AATK: variants seen among roughly 807,000 people sequenced by gnomAD.
AATK encodes serine/threonine-protein kinase LMTK1.
Under a neutral mutation model 114.3 loss-of-function variants are expected in AATK, and 91 were observed. The ratio of observed to expected loss-of-function variants is 0.80; its 90% confidence interval spans 0.67 to 0.95. The LOEUF is 0.95. AATK is among the 40% of genes least tolerant of loss of function. The probability of loss-of-function intolerance (pLI) is 0.00; values close to 1 mark genes in which losing one functional copy is unlikely to be tolerated. For missense variants in AATK, 2,176 were observed against 1,965.2 expected (o/e 1.11, Z -2.03); for synonymous variants, 1,075 against 916.5 (o/e 1.17, Z -3.12).
chr17:81,159,241 G>A (rs1470549593), intron 1 of AATK, among the ~76,000 whole-genome samples: 2 of 152,198 alleles, frequency 1.3e-5, no homozygotes, highest in Admixed American at 6.5e-5. Context: ...TCACTCCAGC[G>A]TCCACGATAG....
chr17:81,149,727 C>T (rs539392892), intron 1 of AATK, among the ~76,000 whole-genome samples: 3 of 152,326 alleles, frequency 2.0e-5, no homozygotes, highest in African/African-American at 4.8e-5. Flanking sequence ...CCCCTGCTCA[C>T]GCCTGTCCGG....
chr17:81,143,525 T>C (rs867802058), intron 1 of AATK, among the ~76,000 whole-genome samples: 13 of 45,080 alleles, frequency 2.9e-4, no homozygotes, highest in Non-Finnish European at 5.6e-4. Flanking sequence ...CCCCCAGCCA[T>C]GCAGCCCCCA....
intron 1 of AATK, among the ~76,000 whole-genome samples, chr17:81,157,815 G>T (rs192412140): frequency 1.3e-5 from 2 of 152,318 alleles, no homozygotes; most frequent in South Asian, 2.1e-4. Context: ...TCCAGCTAAG[G>T]TCCCACAGCC....
rs1310981723 is a variant in AATK at position 81,121,752 on chromosome 17, C to T, written c.2184G>A (p.Leu728=). ...SPEPGYPGEP[L]LGLQAASAQE... is the part of the protein sequence containing the mutation. ...GGGCAGAGGCTGCCTGGAGCCCAAG[C>T]AGAGGCTCTCCAGGGTACCCCGGCT... Residue 728 remains leucine, a synonymous_variant, in exon 11 of 14, where the codon CTG becomes CTA. Transcript: ENST00000326724. The T allele has an allele frequency of 2.0e-6, 3 of 1,511,824 alleles. No individual in the cohort carries two copies. Among genetic ancestry groups the T allele is most frequent in the Admixed American group, 4.2e-5 (2 of 48,050 alleles). The allele number at this position is 1,511,824 out of a possible 1,614,324, so 93.7% of individuals were successfully genotyped here. A position where few individuals can be genotyped will look rare whatever the true frequency, so the allele number is the denominator to read the frequency against.
At chr17:81,137,096 AAAAAT>A (rs2061022115) in intron 1 of AATK, among the ~76,000 whole-genome samples, 1 of 152,180 alleles carries the variant, frequency 6.6e-6, no homozygotes, top group East Asian at 1.9e-4. Flanking sequence ...CATCTCTACT[AAAAAT>A]AAAAAAATTA....
At chr17:81,135,189 G>A (rs1174707944) in intron 1 of AATK, among the ~76,000 whole-genome samples, 1 of 152,192 alleles carries the variant, frequency 6.6e-6, no homozygotes, top group Non-Finnish European at 1.5e-5. Context: ...GAGGGGAACT[G>A]ACAGTACAGC....
At position 81,119,357 on chromosome 17, in the gene AATK, CCACA is replaced by C. The variant is rs1568216194; in HGVS notation, c.4084+19_4084+22del. On this transcript the variant is annotated intron_variant, in intron 13 of 13. Coordinates refer to ENST00000326724, the MANE Select transcript of AATK (RefSeq NM_001080395.3). ...GCCCTGCCTCCCGCGTGCCCTTCTG[CCACA>C]GCCCCGCCCAGGCCTCACCTCTCTT... is the stretch of plus-strand genomic sequence containing the variant. The C allele has an allele frequency of 1.3e-6, 2 of 1,553,412 alleles. No individual in the cohort carries two copies.
chr17:81,122,210 G>T lies in AATK; in HGVS notation c.1726C>A (p.Pro576Thr), dbSNP rs557961698. ...GSTAASLAMEPLLGHGPPVDV... is the reference protein window; with the variant it reads ...GSTAASLAMETLLGHGPPVDV... ...ACGGGTGGCCCGTGGCCCAGCAGCG[G>T]CTCCATGGCCAGCGAGGCGGCGGTG... Residue 576 changes from proline (P) to threonine (T), a missense_variant, in exon 11 of 14, where the codon CCG (proline) becomes ACG (threonine). Coordinates refer to ENST00000326724, the MANE Select transcript of AATK (RefSeq NM_001080395.3). 7 of 1,499,532 alleles carry T rather than the reference G, an allele frequency of 4.7e-6. No individual in the cohort carries two copies. The African/African-American group carries it at 8.4e-5, about 18-fold the overall frequency. The allele number at this position is 1,499,532 out of a possible 1,614,324, so 92.9% of individuals were successfully genotyped here.
chr17:81,147,271 G>C (rs1567823496), intron 1 of AATK, among the ~76,000 whole-genome samples: 1 of 150,334 alleles, frequency 6.7e-6, no homozygotes, highest in Non-Finnish European at 1.5e-5. Flanking sequence ...TGAGGCAGGA[G>C]AATCGCTTGA....
intron 1 of AATK, among the ~76,000 whole-genome samples, chr17:81,145,918 T>C (rs937823684): frequency 3.9e-5 from 6 of 152,008 alleles, no homozygotes; most frequent in Non-Finnish European, 8.8e-5. Flanking sequence ...CTGAGCGCGG[T>C]GGCTCACACC....
At chr17:81,164,625 G>C (rs976718317) in intron 1 of AATK, among the ~76,000 whole-genome samples, 3 of 152,248 alleles carry the variant, frequency 2.0e-5, no homozygotes, top group Admixed American at 6.5e-5. Flanking sequence ...GCAGGGTATG[G>C]GCCGAGGGTC....
intron 1 of AATK, 119 bp from the exon 2 acceptor site, chr17:81,134,620 C>G: frequency 7.6e-7 from 1 of 1,311,490 alleles, no homozygotes; most frequent in Non-Finnish European, 1.0e-6. Context: ...GCCTCAGCAC[C>G]CTGACCTCTC....
rs528962993 is a variant in AATK at position 81,148,560 on chromosome 17, C to T, written c.56-14059G>A. The stretch of plus-strand genomic sequence containing the variant: ...CTGGACTTGAAGCCACACATGGCTC[C>T]GGGATGAGGTACCTGGGGATGAGCC... On this transcript the variant is annotated intron_variant, in intron 1 of 13. Coordinates refer to ENST00000326724, the MANE Select transcript of AATK (RefSeq NM_001080395.3). 3.9e-5 allele frequency among the ~76,000 whole-genome samples: 6 copies of T among 152,342 alleles called. No individual in the cohort carries two copies. The South Asian group carries it at 6.2e-4, about 16-fold the overall frequency.
At chr17:81,151,498 C>T (rs1314392159) in intron 1 of AATK, among the ~76,000 whole-genome samples, 1 of 152,114 alleles carries the variant, frequency 6.6e-6, no homozygotes, top group African/African-American at 2.4e-5. Flanking sequence ...GCCAGGCCCC[C>T]ACGCGACCCA....
rs1333881264 is a variant in AATK, at chr17:81,119,457, C to A, written c.4007G>T (p.Arg1336Leu). The change falls in exon 13 of 14, where the codon CGC becomes CTC. Residue 1336 changes from arginine (R) to leucine (L), a missense_variant. Physicochemically the swap from Arg to Leu is moderately radical, Grantham distance 102 (BLOSUM62 -2). Transcript: ENST00000326724. The stretch of plus-strand genomic sequence containing the variant: ...CGTGGGCGCGGGCGACACCGTGAAG[C>A]GCGAGAAGGGAGCGGGCGTGGGCGT... ...APTPTPAPFSRFTVSPAPTSR... is the reference protein window; with the variant it reads ...APTPTPAPFSLFTVSPAPTSR... 1.3e-6 allele frequency: 2 copies of A among 1,512,916 alleles called. No homozygotes were observed. Among genetic ancestry groups the A allele is most frequent in the South Asian group, 1.3e-5 (1 of 78,262 alleles). 93.7% of individuals were successfully genotyped at this position (1,512,916 alleles called of 1,614,324 possible). A position where few individuals can be genotyped will look rare whatever the true frequency, so the allele number is the denominator to read the frequency against.
At position 81,120,888 on chromosome 17, in the gene AATK, G is replaced by A. The variant is rs746018346; in HGVS notation, c.3048C>T (p.Gly1016=). ...EATSGPEKKC[G]GDRAPGPELG... ...GCTCTGGCCCGGGGGCTCGGTCCCC[G>A]CCGCACTTCTTCTCTGGGCCTGAGG... Residue 1016 remains glycine (G), a synonymous_variant, in exon 11 of 14, where the codon GGC becomes GGT. Transcript: ENST00000326724. 23 of 1,584,710 alleles carry A rather than the reference G, an allele frequency of 1.5e-5. No homozygotes were observed. Among genetic ancestry groups the A allele is most frequent in the Non-Finnish European group, 1.8e-5 (21 of 1,166,086 alleles).
chr17:81,118,659 T>G (rs2060607827), intron 13 of AATK, among the ~76,000 whole-genome samples: 1 of 152,200 alleles, frequency 6.6e-6, no homozygotes, highest in African/African-American at 2.4e-5. Context: ...CGAGTCCTGT[T>G]TTACGCATAA....
intron 1 of AATK, chr17:81,165,695 G>A (rs1356299223): frequency 6.6e-7 from 1 of 1,516,238 alleles, no homozygotes; most frequent in Non-Finnish European, 8.8e-7. Context: ...TGCCCTGGAG[G>A]CAGCCACGGA....
intron 1 of AATK, among the ~76,000 whole-genome samples, chr17:81,155,558 G>T (rs1286566783): frequency 1.3e-5 from 2 of 149,850 alleles, no homozygotes; most frequent in Non-Finnish European, 3.0e-5. Flanking sequence ...GCTAATTTTT[G>T]TATTTTTAGT....
Sources: allele counts gnomAD v4.1 joint callset (sites outside exome capture counted in the v4.1 genomes callset), GRCh38; gene constraint gnomAD v4.1.1; transcripts MANE v1.5; gene names NCBI Gene and HGNC (gene_info 2026-07-23, HGNC 2026-07-21).